The following DYSF variants were observed in gnomAD, a reference collection of about 807,000 sequenced individuals.
DYSF encodes dysferlin.
Under a neutral mutation model 274.9 loss-of-function variants are expected in DYSF, and 212 were observed. That is an observed-to-expected ratio of 0.77 (90% CI 0.69 to 0.86). The LOEUF (loss-of-function observed/expected upper bound fraction) is 0.86, where lower values mean the gene tolerates loss of function less well. Among genes scored for constraint, DYSF ranks in the 40% least tolerant of loss-of-function variants. The probability of loss-of-function intolerance (pLI) is 0.00; values close to 1 mark genes in which losing one functional copy is unlikely to be tolerated. For missense variants in DYSF, 2,666 were observed against 2,783.2 expected (o/e 0.96, Z 0.95); for synonymous variants, 1,091 against 1,078.7 (o/e 1.01, Z -0.22).
At chr2:71,459,058 G>A (rs1046442733) in intron 1 of DYSF, among the ~76,000 whole-genome samples, 2 of 152,170 alleles carry the variant, frequency 1.3e-5, no homozygotes, top group Non-Finnish European at 2.9e-5. Flanking sequence ...CCACCTGGTG[G>A]ACTGGGATAT....
At chr2:71,619,071 A>T (rs1281383818) in intron 40 of DYSF, among the ~76,000 whole-genome samples, 1 of 152,010 alleles carries the variant, frequency 6.6e-6, no homozygotes, top group Non-Finnish European at 1.5e-5. Context: ...GCTGGACCAG[A>T]TCTTTGGAGC....
At chr2:71,596,409 C>T (rs767629871) in intron 32 of DYSF, among the ~76,000 whole-genome samples, 5 of 152,136 alleles carry the variant, frequency 3.3e-5, no homozygotes, top group Non-Finnish European at 5.9e-5. Flanking sequence ...CGGGGCGGGG[C>T]GGGAACAAAA....
intron 42 of DYSF, among the ~76,000 whole-genome samples, chr2:71,654,899 C>T (rs2094739144): frequency 6.6e-6 from 1 of 151,758 alleles, no homozygotes; most frequent in Admixed American, 6.6e-5. Context: ...GGCAACATGG[C>T]CAGAACTCAT....
At chr2:71,582,670 A>G (rs2092934529) in intron 30 of DYSF, among the ~76,000 whole-genome samples, 1 of 152,292 alleles carries the variant, frequency 6.6e-6, no homozygotes, top group East Asian at 1.9e-4. Flanking sequence ...GAACAAAACA[A>G]AACAAAACAA....
At chr2:71,622,126 C>CTTTTTTTTTTTTTTTTTTTTTTTTTTTT (rs1558651607) in intron 41 of DYSF, among the ~76,000 whole-genome samples, 1 of 38,746 alleles carries the variant, frequency 2.6e-5, no homozygotes, top group African/African-American at 6.1e-5. Flanking sequence ...CAGATGATTT[C>CTTTTTTTTTTTTTTTTTTTTTTTTTTTT]TTTGTTTTTT....
rs779344280 is a variant in DYSF at position 71,644,007 on chromosome 2, A to G, written c.4570A>G (p.Ile1524Val). The G allele has an allele frequency of 3.1e-6, 5 of 1,612,550 alleles. No homozygotes were observed. Among genetic ancestry groups the G allele is most frequent in the East Asian group, 4.5e-5 (2 of 44,888 alleles). ...IDWWSKFFAS[I>V]GEREKCGSYL... is the part of the protein sequence containing the mutation. ...TTGGTGGAGCAAATTCTTTGCCTCC[A>G]TAGGGGAGAGGGAAAAGTGCGGCTC... The change falls in exon 42 of 56, where the codon ATA becomes GTA. Residue 1524 changes from isoleucine to valine, a missense_variant. This residue lies in a region of DYSF where 1,460 missense variants were observed against 1,502.1 expected (regional missense o/e 0.97). Transcript: ENST00000410020.
chr2:71,673,188 C>T (rs2095160447), intron 51 of DYSF, among the ~76,000 whole-genome samples: 1 of 152,148 alleles, frequency 6.6e-6, no homozygotes, highest in Admixed American at 6.5e-5. Context: ...TGCCACTCAC[C>T]CAGGGGAGAG....
At chr2:71,617,850 GATGGGGTGTGTGTGT>G in intron 40 of DYSF, among the ~76,000 whole-genome samples, 1 of 109,566 alleles carries the variant, frequency 9.1e-6, no homozygotes, top group Non-Finnish European at 2.0e-5. Context: ...GTGTGGTAGA[GATGGGGTGTGTGTGT>G]GTGGTAGAGG....
chr2:71,637,865 T>A (rs2094429690), intron 41 of DYSF, among the ~76,000 whole-genome samples: 1 of 152,170 alleles, frequency 6.6e-6, no homozygotes, highest in African/African-American at 2.4e-5. Flanking sequence ...AGGCCATTGA[T>A]TAGAAGAGGG....
chr2:71,539,182 G>A lies in DYSF; in HGVS notation c.1519G>A (p.Val507Met), dbSNP rs761279290. 3 of 1,613,978 alleles carry A rather than the reference G, an allele frequency of 1.9e-6. No homozygotes were observed. Among genetic ancestry groups the A allele is most frequent in the Admixed American group, 1.7e-5 (1 of 60,002 alleles). ...GGACCGCCTGACTCACAATGACATC[G>A]TGGCTACCACCTACCTGAGTATGTC... The part of the protein sequence containing the change: ...DWDRLTHNDI[V>M]ATTYLSMSKI... Residue 507 changes from valine (V) to methionine (M), a missense_variant, in exon 17 of 56, where the codon GTG (valine) becomes ATG (methionine). By Grantham distance (21) the Val-to-Met change is conservative (BLOSUM62 1). Around this residue, in one of 3 missense-constraint regions of DYSF, gnomAD observed 794 missense variants for 777.1 expected, o/e 1.02. Transcript: ENST00000410020.
At chr2:71,555,350 G>A (rs142229328) in intron 21 of DYSF, among the ~76,000 whole-genome samples, 24 of 152,214 alleles carry the variant, frequency 1.6e-4, no homozygotes, top group African/African-American at 5.3e-4. Context: ...TGGGTGGGGA[G>A]GGGTGTGTCG....
At chr2:71,552,866 C>G in intron 19 of DYSF, 145 bp from the exon 20 acceptor site, 2 of 788,178 alleles carry the variant, frequency 2.5e-6, no homozygotes, top group Non-Finnish European at 4.4e-6. Context: ...CTGTTTCTTT[C>G]TTGGGCTACT....
chr2:71,637,247 A>G (rs227768), intron 41 of DYSF, among the ~76,000 whole-genome samples: 139,342 of 152,078 alleles, frequency 0.92, 63,958 homozygotes, highest in African/African-American at 0.96. Context: ...GGAGAGGGTG[A>G]GGAGAGTCAC....
At chr2:71,681,396 C>T (rs1287090165) in intron 54 of DYSF, among the ~76,000 whole-genome samples, 1 of 152,178 alleles carries the variant, frequency 6.6e-6, no homozygotes, top group Non-Finnish European at 1.5e-5. Context: ...TGGAACCTTC[C>T]CTGCAGGGTA....
At chr2:71,545,146 AG>A (rs1245445403) in intron 17 of DYSF, among the ~76,000 whole-genome samples, 2 of 152,212 alleles carry the variant, frequency 1.3e-5, no homozygotes, top group Non-Finnish European at 2.9e-5. Flanking sequence ...GCACGTGAGG[AG>A]TAGGAAAGAG....
Position 71,570,658 on chromosome 2 carries a change from G to A in DYSF, c.3145G>A (p.Glu1049Lys), listed in dbSNP as rs568104610. The change falls in exon 29 of 56, where the codon GAG becomes AAG. Residue 1049 changes from glutamate to lysine, a missense_variant. Physicochemically the swap from Glu to Lys is moderately conservative, Grantham distance 56. This residue lies in a region of DYSF where 1,460 missense variants were observed against 1,502.1 expected (regional missense o/e 0.97). Coordinates refer to ENST00000410020, the MANE Select transcript of DYSF (RefSeq NM_001130987.2). ...ERKPKHWVPA[E>K]KMYYTHRRRR... ...GAAGCCGAAGCACTGGGTCCCTGCTGAGAAGATGTACTACACACACCGACG... is the reference window on the plus strand; with the variant it reads ...GAAGCCGAAGCACTGGGTCCCTGCTAAGAAGATGTACTACACACACCGACG... 1 of 1,614,114 alleles carries A rather than the reference G, an allele frequency of 6.2e-7. No homozygotes were observed. Among genetic ancestry groups the A allele is most frequent in the South Asian group, 1.1e-5 (1 of 91,082 alleles).
chr2:71,528,706 T>C (rs1236972932), intron 14 of DYSF, among the ~76,000 whole-genome samples: 3 of 152,176 alleles, frequency 2.0e-5, no homozygotes, highest in Non-Finnish European at 4.4e-5. Flanking sequence ...AGCAATAGCA[T>C]GGAAACCAGA....
At chr2:71,611,039 G>C in intron 36 of DYSF, 2 of 621,250 alleles carry the variant, frequency 3.2e-6, no homozygotes, top group Non-Finnish European at 5.9e-6. Flanking sequence ...GAAGGTGCTG[G>C]AATTGTGATC....
At chr2:71,590,622 A>G (rs1038541324) in intron 32 of DYSF, among the ~76,000 whole-genome samples, 5 of 152,120 alleles carry the variant, frequency 3.3e-5, no homozygotes, top group Non-Finnish European at 7.4e-5. Context: ...TGATGCTCCA[A>G]GAAGTCTTGT....
Sources: gnomAD v4.1 joint callset for allele counts (sites outside exome capture counted in the v4.1 genomes callset) on GRCh38, gnomAD v4.1.1 for gene constraint, gnomAD v4.1.1 regional missense constraint, MANE v1.5 for transcripts, NCBI Gene and HGNC (gene_info 2026-07-23, HGNC 2026-07-21) for gene names.